Variants in HEMK2 observed in about 807,000 individuals in gnomAD.
The protein encoded by HEMK2 is HemK methyltransferase 2, ETF1 glutamine and histone H4 lysine.
the HEMK2 span, among the ~76,000 whole-genome samples, chr21:28,743,552 G>GA: frequency 0.057 from 8,728 of 151,852 alleles, 350 homozygotes; most frequent in Middle Eastern, 0.11. Context: ...ATGCAGAAAA[G>GA]AAAAAAGAGA....
the HEMK2 span, among the ~76,000 whole-genome samples, chr21:28,666,626 T>C: frequency 0.011 from 1,648 of 152,286 alleles, 30 homozygotes; most frequent in African/African-American, 0.037. Context: ...TAATCATTAA[T>C]AACAGAGGAG....
At chr21:28,681,681 T>C in the HEMK2 span, among the ~76,000 whole-genome samples, 1 of 152,142 alleles carries the variant, frequency 6.6e-6, no homozygotes, top group Non-Finnish European at 1.5e-5. Context: ...CAAAACAGCA[T>C]GGTACTGGTA....
the HEMK2 span, among the ~76,000 whole-genome samples, chr21:28,856,108 G>A: frequency 6.6e-6 from 1 of 152,072 alleles, no homozygotes; most frequent in Admixed American, 6.5e-5. Context: ...GGGCACCTTT[G>A]GCAGCTTTTT....
the HEMK2 span, among the ~76,000 whole-genome samples, chr21:28,711,614 T>G: frequency 6.6e-6 from 1 of 152,142 alleles, no homozygotes; most frequent in African/African-American, 2.4e-5. Flanking sequence ...AGGAACAATT[T>G]AATTCAAGTC....
chr21:28,694,320 G>A, the HEMK2 span, among the ~76,000 whole-genome samples: 2 of 152,156 alleles, frequency 1.3e-5, no homozygotes, highest in African/African-American at 4.8e-5. Flanking sequence ...AAGTCTGTGT[G>A]CAATATCTAT....
At chr21:28,830,673 C>G in the HEMK2 span, among the ~76,000 whole-genome samples, 2 of 152,112 alleles carry the variant, frequency 1.3e-5, no homozygotes, top group African/African-American at 4.8e-5. Flanking sequence ...GTCAAGAGAT[C>G]AAGACCATTC....
the HEMK2 span, among the ~76,000 whole-genome samples, chr21:28,833,188 A>T: frequency 6.6e-6 from 1 of 150,758 alleles, no homozygotes; most frequent in Admixed American, 6.6e-5. Flanking sequence ...TCTATGCAAA[A>T]GAATATCTGA....
chr21:28,611,911 C>CAA, the HEMK2 span, among the ~76,000 whole-genome samples: 103 of 71,600 alleles, frequency 1.4e-3, no homozygotes, highest in Non-Finnish European at 2.3e-3. Context: ...GACACCATCT[C>CAA]AAAAAAAAAA....
chr21:28,738,014 G>A, the HEMK2 span, among the ~76,000 whole-genome samples: 1 of 152,200 alleles, frequency 6.6e-6, no homozygotes, highest in Non-Finnish European at 1.5e-5. Flanking sequence ...GGGCATTATG[G>A]GAGGGCTGGA....
the HEMK2 span, among the ~76,000 whole-genome samples, chr21:28,724,750 C>A: frequency 6.6e-6 from 1 of 151,932 alleles, no homozygotes; most frequent in Non-Finnish European, 1.5e-5. Context: ...AGATCAGCTT[C>A]TTCACTACAT....
the HEMK2 span, among the ~76,000 whole-genome samples, chr21:28,849,828 A>G: frequency 6.6e-6 from 1 of 152,214 alleles, no homozygotes; most frequent in Admixed American, 6.5e-5. Context: ...AAGAAATAAT[A>G]AAGAAGAATG....
the HEMK2 span, chr21:28,879,812 G>T: frequency 2.3e-6 from 3 of 1,321,746 alleles, no homozygotes; most frequent in South Asian, 1.4e-5. Context: ...ACATTCATTT[G>T]ATTTTACAAA....
At chr21:28,625,665 C>T in the HEMK2 span, among the ~76,000 whole-genome samples, 1 of 151,930 alleles carries the variant, frequency 6.6e-6, no homozygotes, top group Non-Finnish European at 1.5e-5. Flanking sequence ...AAGCTGGGAC[C>T]CGGGGCCATG....
chr21:28,706,901 C>T, the HEMK2 span, among the ~76,000 whole-genome samples: 6 of 144,942 alleles, frequency 4.1e-5, no homozygotes, highest in African/African-American at 8.1e-5. Flanking sequence ...GGAAACTGCT[C>T]TATGCTCTCA....
chr21:28,617,663 GT>G, the HEMK2 span, among the ~76,000 whole-genome samples: 1 of 148,844 alleles, frequency 6.7e-6, no homozygotes, highest in Non-Finnish European at 1.5e-5. Context: ...GGCACTTTGT[GT>G]TCAGTGCCTG....
chr21:28,880,291 C>T, the HEMK2 span, among the ~76,000 whole-genome samples: 3 of 152,250 alleles, frequency 2.0e-5, no homozygotes, highest in African/African-American at 7.2e-5. Context: ...AAGTTTACAA[C>T]TATATATGCT....
the HEMK2 span, among the ~76,000 whole-genome samples, chr21:28,720,561 C>T: frequency 3.3e-4 from 50 of 152,102 alleles, no homozygotes; most frequent in Middle Eastern, 3.2e-3. Context: ...AGCAAAACCC[C>T]GTCTCTAATA....
the HEMK2 span, among the ~76,000 whole-genome samples, chr21:28,834,968 C>T: frequency 2.0e-5 from 3 of 152,088 alleles, no homozygotes; most frequent in African/African-American, 7.2e-5. Context: ...TCACCCCCAT[C>T]CCCCACAGTA....
the HEMK2 span, among the ~76,000 whole-genome samples, chr21:28,768,487 T>A: frequency 2.6e-5 from 4 of 152,036 alleles, no homozygotes; most frequent in African/African-American, 7.2e-5. Context: ...ATCTCCATCA[T>A]CCCACACTCA....
Sources: gnomAD v4.1 joint callset for allele counts (sites outside exome capture counted in the v4.1 genomes callset) on GRCh38, gnomAD v4.1.1 for gene constraint, MANE v1.5 for transcripts, NCBI Gene and HGNC (gene_info 2026-07-23, HGNC 2026-07-21) for gene names.